LGR4: variants seen among roughly 807,000 people sequenced by gnomAD.
The protein encoded by LGR4 is leucine-rich repeat-containing G protein-coupled receptor 4.
LGR4 carries 44 observed loss-of-function variants against 84.8 expected under a neutral mutation model. The ratio of observed to expected loss-of-function variants is 0.52; its 90% CI spans 0.41 to 0.67. The LOEUF is 0.67. Among genes scored for constraint, LGR4 ranks in the 30% least tolerant of loss-of-function variants. The pLI is 0.00. For synonymous variants in LGR4, 429 were observed against 434.3 expected (o/e 0.99, Z 0.15); for missense variants, 1,032 against 1,131.4 (o/e 0.91, Z 1.26).
intron 1 of LGR4, among the ~76,000 whole-genome samples, chr11:27,452,759 G>T (rs56268533): frequency 0.021 from 3,158 of 150,328 alleles, 99 homozygotes; most frequent in African/African-American, 0.073. Flanking sequence ...GAGTAGCTGG[G>T]ACTACAGGTG....
intron 11 of LGR4, among the ~76,000 whole-genome samples, chr11:27,378,235 C>T (rs1863026180): frequency 6.6e-6 from 1 of 152,286 alleles, no homozygotes; most frequent in Admixed American, 6.5e-5. Context: ...ATAACTTAAT[C>T]GTTTATTCTG....
intron 1 of LGR4, among the ~76,000 whole-genome samples, chr11:27,467,374 TG>T: frequency 6.6e-6 from 1 of 152,012 alleles, no homozygotes; most frequent in African/African-American, 2.4e-5. Context: ...AAGACCAGCC[TG>T]GCCAAGATGG....
intron 1 of LGR4, among the ~76,000 whole-genome samples, chr11:27,470,127 A>C (rs1179081129): frequency 1.3e-5 from 2 of 152,196 alleles, no homozygotes; most frequent in African/African-American, 4.8e-5. Flanking sequence ...TTTGCACACC[A>C]CCAAAGCTCA....
In LGR4 at chr11:27,441,174, T is replaced by C. The variant is rs537678297; in HGVS notation, c.186-28314A>G. Among the ~76,000 whole-genome samples the C allele has an allele frequency of 3.9e-5, 6 of 152,272 alleles. No homozygotes were observed. The South Asian group carries it at 8.3e-4, about 21-fold the overall frequency. On this transcript the variant is annotated intron_variant, in intron 1 of 17. Transcript: ENST00000379214. ...AGAACTAGAGAAATATTGGGGATCA[T>C]GTAGCCAAGTATCCTCAATGCATAG...
At chr11:27,448,319 T>C (rs1864427048) in intron 1 of LGR4, among the ~76,000 whole-genome samples, 1 of 151,570 alleles carries the variant, frequency 6.6e-6, no homozygotes, top group South Asian at 2.1e-4. Flanking sequence ...GAGACAGAGT[T>C]TTTGCTCTTG....
intron 1 of LGR4, among the ~76,000 whole-genome samples, chr11:27,461,217 A>C (rs1282812353): frequency 2.6e-5 from 4 of 152,082 alleles, no homozygotes; most frequent in Non-Finnish European, 5.9e-5. Flanking sequence ...ATGTAAAAAA[A>C]AACATAGGAG....
intron 1 of LGR4, among the ~76,000 whole-genome samples, chr11:27,457,346 A>T (rs1228501372): frequency 6.6e-6 from 1 of 152,206 alleles, no homozygotes. Flanking sequence ...AATGCTTCAC[A>T]TTAGGGTAAT....
intron 1 of LGR4, among the ~76,000 whole-genome samples, chr11:27,455,316 G>A (rs1399955192): frequency 6.6e-6 from 1 of 152,090 alleles, no homozygotes; most frequent in Non-Finnish European, 1.5e-5. Context: ...CCATTAAATG[G>A]GGAATTTGAG....
chr11:27,470,993 T>G (rs986247896), intron 1 of LGR4, among the ~76,000 whole-genome samples: 1 of 152,146 alleles, frequency 6.6e-6, no homozygotes, highest in East Asian at 1.9e-4. Flanking sequence ...AAAAGGAAAT[T>G]CCCTCTACCC....
chr11:27,422,073 A>G (rs1017847076), intron 1 of LGR4, among the ~76,000 whole-genome samples: 1 of 152,212 alleles, frequency 6.6e-6, no homozygotes, highest in Non-Finnish European at 1.5e-5. Flanking sequence ...ATGACAAAAC[A>G]GTGTTTATTA....
chr11:27,457,706 T>G (rs1166214260), intron 1 of LGR4, among the ~76,000 whole-genome samples: 1 of 152,226 alleles, frequency 6.6e-6, no homozygotes, highest in Non-Finnish European at 1.5e-5. Flanking sequence ...ACAAAAACTC[T>G]GTGTGAATAT....
chr11:27,426,862 G>C lies in LGR4; in HGVS notation c.186-14002C>G, dbSNP rs72889537. ...CCACTACCTTAAGCTGGATTGTGTT[G>C]CAGTGATGTTTTAAAAATATGCTTT... On this transcript the variant is annotated intron_variant, in intron 1 of 17. Coordinates refer to ENST00000379214, the MANE Select transcript of LGR4 (RefSeq NM_018490.5). Among the ~76,000 whole-genome samples, 3 of 151,982 alleles carry C rather than the reference G, an allele frequency of 2.0e-5. No homozygotes were observed. In the East Asian group the frequency reaches 5.8e-4, roughly 29 times the overall value.
At chr11:27,381,635 T>C (rs1464146607) in intron 7 of LGR4, among the ~76,000 whole-genome samples, 1 of 152,026 alleles carries the variant, frequency 6.6e-6, no homozygotes, top group Non-Finnish European at 1.5e-5. Context: ...TGAGCTGTGA[T>C]CATGCCACTG....
intron 1 of LGR4, among the ~76,000 whole-genome samples, chr11:27,455,851 G>A (rs1015387783): frequency 2.0e-5 from 3 of 152,180 alleles, no homozygotes; most frequent in African/African-American, 4.8e-5. Context: ...GTGGTAATAA[G>A]TCCTCACTTG....
At chr11:27,410,942 T>G (rs1863698872) in intron 2 of LGR4, among the ~76,000 whole-genome samples, 1 of 152,116 alleles carries the variant, frequency 6.6e-6, no homozygotes, top group Admixed American at 6.6e-5. Flanking sequence ...CATTTGAGAT[T>G]TTAAGAAATC....
In LGR4 at chr11:27,368,850, C is replaced by G. The variant is rs1157897556; in HGVS notation, c.1873G>C (p.Ala625Pro). The change falls in exon 18 of 18, where the codon GCA becomes CCA. Residue 625 changes from alanine (A) to proline (P), a missense_variant. Physicochemically the swap from Ala to Pro is conservative, Grantham distance 27. Coordinates refer to ENST00000379214, the MANE Select transcript of LGR4 (RefSeq NM_018490.5). ...GSGCKVAGFL[A>P]VFSSESAIFL... Reference sequence around the variant, plus strand: ...ATGGCACTTTCTGAGGAGAAAACTGCAAGAAACCCAGCTACTTTGCAGCCA... The same window carrying G: ...ATGGCACTTTCTGAGGAGAAAACTGGAAGAAACCCAGCTACTTTGCAGCCA... 5 of 1,614,094 alleles carry G rather than the reference C, an allele frequency of 3.1e-6. No individual in the cohort carries two copies.
intron 2 of LGR4, among the ~76,000 whole-genome samples, chr11:27,408,199 C>A (rs941997837): frequency 2.6e-5 from 4 of 151,940 alleles, no homozygotes; most frequent in Non-Finnish European, 5.9e-5. Flanking sequence ...TGATTTTAAA[C>A]CTTTCTGTTT....
chr11:27,369,101 A>C lies in LGR4; in HGVS notation c.1622T>G (p.Ile541Ser). The C allele has an allele frequency of 1.2e-6, 2 of 1,611,766 alleles. No individual in the cohort carries two copies. The highest frequency in any genetic ancestry group is 4.5e-5 in the East Asian group (2 of 44,866). Reference protein sequence around the residue: ...PCEYLLGSWMIRLTVWFIFLV... With the variant: ...PCEYLLGSWMSRLTVWFIFLV... The stretch of plus-strand genomic sequence containing the variant: ...GAAAATGAACCACACAGTAAGACGA[A>C]TCATCCAGCTTCCCAGTAAATATTC... The change falls in exon 18 of 18, where the codon ATT (isoleucine) becomes AGT (serine). Residue 541 changes from isoleucine (I) to serine (S), a missense_variant. Transcript: ENST00000379214.
chr11:27,442,839 G>A (rs1864326399), intron 1 of LGR4, among the ~76,000 whole-genome samples: 1 of 152,188 alleles, frequency 6.6e-6, no homozygotes, highest in Admixed American at 6.5e-5. Flanking sequence ...TGAAAATCTG[G>A]AAGGAAGAAG....
Sources: allele counts gnomAD v4.1 joint callset (sites outside exome capture counted in the v4.1 genomes callset), GRCh38; gene constraint gnomAD v4.1.1; transcripts MANE v1.5; gene names NCBI Gene and HGNC (gene_info 2026-07-23, HGNC 2026-07-21).